C2orf81: variants seen among roughly 807,000 people sequenced by gnomAD.
C2orf81 encodes chromosome 2 open reading frame 81.
Under a neutral mutation model 7.9 loss-of-function variants are expected in C2orf81, and 5 were observed. The observed-to-expected ratio is 0.63, with a 90% CI of 0.33 to 1.33. C2orf81 has a LOEUF of 1.33. Among genes scored for constraint, C2orf81 ranks in the 40% most tolerant of loss-of-function variants. The pLI is 0.05. For synonymous variants in C2orf81, 346 were observed against 367.4 expected, an observed-to-expected ratio of 0.94 and a Z score of 0.66; for missense variants, 781 against 830.4, an observed-to-expected ratio of 0.94 and a Z score of 0.73.
Position 74,414,789 on chromosome 2 carries a change from G to T in C2orf81, c.1388C>A (p.Ser463Ter). Reference sequence around the variant, plus strand: ...TGGCAGCTTTGACTCGAGGGATGGCGACGATAGGCCTAAATTTAAAGTGGG... The same window carrying T: ...TGGCAGCTTTGACTCGAGGGATGGCTACGATAGGCCTAAATTTAAAGTGGG... ...LFPTLNLGLS[S>*]PSLESKLPLP... Residue 463 changes from serine (S) to a stop codon, truncating the protein, a stop_gained, in exon 3 of 3, where the codon TCG becomes TAG. Transcript: ENST00000684111. LOFTEE classifies it low-confidence loss of function (END_TRUNC). This position sits in a 1 kb window ranked among gnomAD's most constrained non-coding sequence, Gnocchi z 5.3. The T allele has an allele frequency of 6.4e-7, 1 of 1,551,568 alleles. No individual in the cohort carries two copies. Among genetic ancestry groups the T allele is most frequent in the South Asian group, 1.2e-5 (1 of 84,054 alleles).
In C2orf81 at chr2:74,418,511, G is replaced by A. The variant is rs552378551; in HGVS notation, c.19-2270C>T. On this transcript the variant is annotated intron_variant, in intron 1 of 2. Transcript: ENST00000684111. ...GGGCGAACTCGGCCGCTGGCCTGCGGTGCATGCTCCGGTTTGCCGGGAGCA... is the reference window on the plus strand; with the variant it reads ...GGGCGAACTCGGCCGCTGGCCTGCGATGCATGCTCCGGTTTGCCGGGAGCA... 314 of 984,954 alleles carry A rather than the reference G, an allele frequency of 3.2e-4. 2 individuals carry two copies. The South Asian group carries it at 4.1e-3, about 13-fold the overall frequency. The allele number at this position is 984,954 out of a possible 1,614,324, so 61.0% of individuals were successfully genotyped here.
intron 1 of C2orf81, among the ~76,000 whole-genome samples, chr2:74,420,173 ATG>A (rs1190731137): frequency 6.6e-6 from 1 of 152,210 alleles, no homozygotes; most frequent in Non-Finnish European, 1.5e-5. Context: ...GTAAACCACT[ATG>A]TGTTCAACAA....
Position 74,415,870 on chromosome 2 carries a change from G to A in C2orf81, c.307C>T (p.Arg103Cys). The change falls in exon 3 of 3, where the codon CGC (arginine) becomes TGC (cysteine). Residue 103 changes from arginine (R) to cysteine (C), a missense_variant. By Grantham distance (180) the Arg-to-Cys change is radical. Transcript: ENST00000684111. This position sits in a 1 kb window ranked among gnomAD's most constrained non-coding sequence, Gnocchi z 5.5. ...REAMLQITEW[R>C]FLARDEGESA... Reference sequence around the variant, plus strand: ...TCTCCCTCGTCCCGGGCCAGGAAGCGCCACTCGGTGATCTGCAGCATGGCC... The same window carrying A: ...TCTCCCTCGTCCCGGGCCAGGAAGCACCACTCGGTGATCTGCAGCATGGCC... 1.3e-6 allele frequency: 2 copies of A among 1,551,212 alleles called. No individual in the cohort carries two copies. The highest frequency in any genetic ancestry group is 1.7e-6 in the Non-Finnish European group (2 of 1,146,698).
chr2:74,418,750 C>G lies in C2orf81; in HGVS notation c.19-2509G>C, dbSNP rs114380926. Among the ~76,000 whole-genome samples, 737 of 151,956 alleles carry G rather than the reference C, an allele frequency of 4.9e-3. 7 individuals carry two copies. Among genetic ancestry groups the G allele is most frequent in the African/African-American group, 0.017 (696 of 41,430 alleles). ...TTATCTCCATTTTATGGTAATTTAC[C>G]CAGTATCATACAAGTAGGATGTAGT... On this transcript the variant is annotated intron_variant, in intron 1 of 2. Transcript: ENST00000684111.
chr2:74,420,435 A>C (rs1054579777), intron 1 of C2orf81, among the ~76,000 whole-genome samples: 1 of 152,150 alleles, frequency 6.6e-6, no homozygotes, highest in Non-Finnish European at 1.5e-5. Flanking sequence ...ATCTTCCCAA[A>C]CCTTTGCCTA....
chr2:74,415,315 T>C lies in C2orf81; in HGVS notation c.862A>G (p.Thr288Ala). The change falls in exon 3 of 3, where the codon ACT becomes GCT. Residue 288 changes from threonine to alanine, a missense_variant. Coordinates refer to ENST00000684111, the MANE Select transcript of C2orf81 (RefSeq NM_001316764.3). The surrounding 1 kb of genome is among the most constrained non-coding windows in gnomAD (Gnocchi z 5.5). ...PYLVASPQAS[T>A]GRGHPLGFHL... The stretch of plus-strand genomic sequence containing the variant: ...AAGCCGAGGGGGTGTCCCCTCCCAG[T>C]TGAGGCCTGGGGGCTGGCTACCAGG... The C allele has an allele frequency of 6.5e-7, 1 of 1,548,430 alleles. No individual in the cohort carries two copies. Among genetic ancestry groups the C allele is most frequent in the South Asian group, 1.2e-5 (1 of 83,722 alleles).
rs532230592 is a variant in C2orf81, at chr2:74,418,493, C to G, written c.19-2252G>C. The G allele has an allele frequency of 1.5e-5, 18 of 1,163,266 alleles. No homozygotes were observed. In the East Asian group the frequency reaches 2.7e-4, roughly 18 times the overall value. 72.1% of individuals were successfully genotyped at this position (1,163,266 alleles called of 1,614,324 possible). On this transcript the variant is annotated intron_variant, in intron 1 of 2. Coordinates refer to ENST00000684111, the MANE Select transcript of C2orf81 (RefSeq NM_001316764.3). ...AAAAGTGATGGCTGGGATGGGCGAA[C>G]TCGGCCGCTGGCCTGCGGTGCATGC... is the stretch of plus-strand genomic sequence containing the variant.
In C2orf81 at chr2:74,417,545, A is replaced by C. The variant is rs549746052; in HGVS notation, c.19-1304T>G. The C allele has an allele frequency of 6.0e-4, 657 of 1,097,302 alleles. 12 individuals carry two copies. In the South Asian group the frequency reaches 8.5e-3, roughly 14 times the overall value. 68.0% of individuals were successfully genotyped at this position (1,097,302 alleles called of 1,614,324 possible). A position where few individuals can be genotyped will look rare whatever the true frequency, so the allele number is the denominator to read the frequency against. ...TCCAACCTAGTGCAGGGACTAGGGA[A>C]GGTGGGGAAGGATGAAAGGTGTGAG... is the stretch of plus-strand genomic sequence containing the variant. On this transcript the variant is annotated intron_variant, in intron 1 of 2. Transcript: ENST00000684111.
chr2:74,415,991 G>C lies in C2orf81; in HGVS notation c.249+20C>G. The C allele has an allele frequency of 6.5e-7, 1 of 1,549,624 alleles. No homozygotes were observed. The highest frequency in any genetic ancestry group is 2.4e-5 in the East Asian group (1 of 40,894). ...GGCGGGAGAGGGAGACGAGTCTGAA[G>C]GACCCGGATCCCGGCCCACCTGCTG... On this transcript the variant is annotated intron_variant, in intron 2 of 2. Coordinates refer to ENST00000684111, the MANE Select transcript of C2orf81 (RefSeq NM_001316764.3). This position sits in a 1 kb window ranked among gnomAD's most constrained non-coding sequence, Gnocchi z 5.5.
rs766219469 is a variant in C2orf81, at chr2:74,415,141, C to T, written c.1036G>A (p.Ala346Thr). The change falls in exon 3 of 3, where the codon GCG becomes ACG. Residue 346 changes from alanine to threonine, a missense_variant. Transcript: ENST00000684111. The surrounding 1 kb of genome is among the most constrained non-coding windows in gnomAD (Gnocchi z 5.5). The stretch of plus-strand genomic sequence containing the variant: ...CCGGCCCGCTGCTGCTGGCAGGACG[C>T]GGAGGGGCGGGTGGCGCCGCCCACA... ...PSVGGATRPS[A>T]SCQQQRAGHS... The T allele has an allele frequency of 4.5e-6, 7 of 1,539,668 alleles. No homozygotes were observed. Among genetic ancestry groups the T allele is most frequent in the Non-Finnish European group, 6.1e-6 (7 of 1,141,416 alleles).
Position 74,416,123 on chromosome 2 carries a change from T to C in C2orf81, c.137A>G (p.Glu46Gly), listed in dbSNP as rs779281457. The stretch of plus-strand genomic sequence containing the variant: ...CTCGAGGGCTGTAAGCGCCATCCAC[T>C]CGGCCTCACTGAGCCGCCCAGGCAC... Reference protein sequence around the residue: ...DIVPGRLSEAEWMALTALEEG... With the variant: ...DIVPGRLSEAGWMALTALEEG... Residue 46 changes from glutamate (E) to glycine (G), a missense_variant, in exon 2 of 3, where the codon GAG becomes GGG. Coordinates refer to ENST00000684111, the MANE Select transcript of C2orf81 (RefSeq NM_001316764.3). 6.5e-7 allele frequency: 1 copy of C among 1,531,466 alleles called. No homozygotes were observed. Among genetic ancestry groups the C allele is most frequent in the South Asian group, 1.2e-5 (1 of 83,052 alleles). 94.9% of individuals were successfully genotyped at this position (1,531,466 alleles called of 1,614,324 possible).
rs976876689 is a variant in C2orf81, at chr2:74,415,940, G to T, written c.250-13C>A. ...TGAATGGAATGCACTGCGGAGGCGA[G>T]AGAGGATCTCAGGTCGGCAGGGAGG... is the stretch of plus-strand genomic sequence containing the variant. On this transcript the variant is annotated splice_polypyrimidine_tract_variant and intron_variant, in intron 2 of 2. Transcript: ENST00000684111. This position sits in a 1 kb window ranked among gnomAD's most constrained non-coding sequence, Gnocchi z 5.5. 9.1e-6 allele frequency: 14 copies of T among 1,546,750 alleles called. No individual in the cohort carries two copies. In the African/African-American group the frequency reaches 1.9e-4, roughly 21 times the overall value.
chr2:74,415,801 G>C lies in C2orf81; in HGVS notation c.376C>G (p.Pro126Ala), dbSNP rs1273686051. Reference protein sequence around the residue: ...EDPTWGEDEEPSACTTDSWAQ... With the variant: ...EDPTWGEDEEASACTTDSWAQ... ...CAGGAGTCCGTCGTGCATGCCGAAG[G>C]CTCCTCGTCCTCACCCCATGTGGGG... Residue 126 changes from proline (P) to alanine (A), a missense_variant, in exon 3 of 3, where the codon CCT (proline) becomes GCT (alanine). Physicochemically the swap from Pro to Ala is conservative, Grantham distance 27. Coordinates refer to ENST00000684111, the MANE Select transcript of C2orf81 (RefSeq NM_001316764.3). The surrounding 1 kb of genome is among the most constrained non-coding windows in gnomAD (Gnocchi z 5.5). The C allele has an allele frequency of 1.3e-6, 2 of 1,551,504 alleles. No homozygotes were observed. The highest frequency in any genetic ancestry group is 1.7e-6 in the Non-Finnish European group (2 of 1,147,022).
chr2:74,415,374 G>A lies in C2orf81; in HGVS notation c.803C>T (p.Pro268Leu). Residue 268 changes from proline (P) to leucine (L), a missense_variant, in exon 3 of 3, where the codon CCT (proline) becomes CTT (leucine). Pro to Leu is a moderately conservative substitution (Grantham distance 98, BLOSUM62 -3). Coordinates refer to ENST00000684111, the MANE Select transcript of C2orf81 (RefSeq NM_001316764.3). This position sits in a 1 kb window ranked among gnomAD's most constrained non-coding sequence, Gnocchi z 5.5. ...ASFQLSVEEAPADDADPSLDP... is the reference protein window; with the variant it reads ...ASFQLSVEEALADDADPSLDP... ...CAGAGAAGGGTCGGCATCGTCGGCA[G>A]GCGCCTCCTCCACCGACAGTTGGAA... is the stretch of plus-strand genomic sequence containing the variant. The A allele has an allele frequency of 6.6e-7, 1 of 1,517,630 alleles. No individual in the cohort carries two copies. Among genetic ancestry groups the A allele is most frequent in the Non-Finnish European group, 8.9e-7 (1 of 1,126,712 alleles). The allele number at this position is 1,517,630 out of a possible 1,614,324, so 94.0% of individuals were successfully genotyped here. A position where few individuals can be genotyped will look rare whatever the true frequency, so the allele number is the denominator to read the frequency against.
chr2:74,418,483 G>C lies in C2orf81; in HGVS notation c.19-2242C>G, dbSNP rs780939503. On this transcript the variant is annotated intron_variant, in intron 1 of 2. Coordinates refer to ENST00000684111, the MANE Select transcript of C2orf81 (RefSeq NM_001316764.3). The stretch of plus-strand genomic sequence containing the variant: ...GACTAGTTGGAAAAGTGATGGCTGG[G>C]ATGGGCGAACTCGGCCGCTGGCCTG... 3 of 1,285,606 alleles carry C rather than the reference G, an allele frequency of 2.3e-6. No homozygotes were observed. The Admixed American group carries it at 5.2e-5, about 22-fold the overall frequency. The allele number at this position is 1,285,606 out of a possible 1,614,324, so 79.6% of individuals were successfully genotyped here.
intron 1 of C2orf81, 78 bp downstream of exon 1, chr2:74,421,447 GGGCACTGGGCGGCCCAGA>G (rs772253749): frequency 4.1e-5 from 12 of 291,854 alleles, no homozygotes; most frequent in Non-Finnish European, 6.4e-5. Context: ...GAGCAAGTAG[GGGCACTGGGCGGCCCAGA>G]GCCAGCCCAC....
chr2:74,417,402 T>A (rs753030768), intron 1 of C2orf81: 1 of 1,309,296 alleles, frequency 7.6e-7, no homozygotes, highest in South Asian at 1.2e-5. Context: ...GGTGACTGCA[T>A]CTCCATCACT....
chr2:74,419,703 G>A (rs1337421186), intron 1 of C2orf81, among the ~76,000 whole-genome samples: 1 of 152,180 alleles, frequency 6.6e-6, no homozygotes, highest in African/African-American at 2.4e-5. Flanking sequence ...TCTTTAAAAA[G>A]AGAATAAATA....
At chr2:74,421,300 T>C (rs1345748801) in intron 1 of C2orf81, among the ~76,000 whole-genome samples, 1 of 152,226 alleles carries the variant, frequency 6.6e-6, no homozygotes. Context: ...GTTCTCGGGC[T>C]CTACACCACC....
Sources: gnomAD v4.1 joint callset for allele counts (sites outside exome capture counted in the v4.1 genomes callset) on GRCh38, gnomAD v4.1.1 for gene constraint, Gnocchi (gnomAD v3.1) non-coding constraint, MANE v1.5 for transcripts, NCBI Gene and HGNC (gene_info 2026-07-23, HGNC 2026-07-21) for gene names.